Variants in SYNPR observed in about 807,000 individuals in gnomAD.
The protein encoded by SYNPR is synaptoporin.
In SYNPR, 23 loss-of-function variants were observed where a neutral mutation model predicts 32.9. That is an observed-to-expected ratio of 0.70 (90% CI 0.50 to 0.99). The LOEUF (loss-of-function observed/expected upper bound fraction) is 0.99. Ranked by LOEUF, SYNPR falls within the 50% of genes least tolerant of loss-of-function variation. The probability of loss-of-function intolerance (pLI) is 0.00; values close to 1 mark genes in which losing one functional copy is unlikely to be tolerated. For missense variants in SYNPR, 318 were observed against 349.3 expected, an observed-to-expected ratio of 0.91 and a Z score of 0.71; for synonymous variants, 146 against 135.9, an observed-to-expected ratio of 1.07 and a Z score of -0.52.
intron 1 of SYNPR, among the ~76,000 whole-genome samples, chr3:63,247,155 T>C (rs1275427478): frequency 6.6e-6 from 1 of 152,052 alleles, no homozygotes; most frequent in Non-Finnish European, 1.5e-5. Flanking sequence ...AAAATGCCTC[T>C]CTAAGAAACA....
At chr3:63,457,311 T>A (rs193215898) in intron 2 of SYNPR, among the ~76,000 whole-genome samples, 2 of 152,272 alleles carry the variant, frequency 1.3e-5, no homozygotes, top group Admixed American at 1.3e-4. Flanking sequence ...TTTATTCTAG[T>A]CATGCCATTC....
chr3:63,595,755 A>ATATATAGT (rs1559546230), intron 4 of SYNPR, among the ~76,000 whole-genome samples: 9 of 32,296 alleles, frequency 2.8e-4, no homozygotes, highest in Non-Finnish European at 4.2e-4. Context: ...ATATATATAT[A>ATATATAGT]TATATATATA....
At chr3:63,352,304 C>T (rs1315055634) in intron 2 of SYNPR, among the ~76,000 whole-genome samples, 2 of 151,962 alleles carry the variant, frequency 1.3e-5, no homozygotes, top group East Asian at 1.9e-4. Flanking sequence ...ACCCAGTTCT[C>T]GAAGTGAATA....
intron 2 of SYNPR, among the ~76,000 whole-genome samples, chr3:63,476,527 C>A (rs1700930039): frequency 1.3e-5 from 2 of 152,128 alleles, no homozygotes; most frequent in African/African-American, 4.8e-5. Flanking sequence ...AACCTCAGGT[C>A]ATCAAAGCAC....
At chr3:63,293,183 T>C (rs545909174) in intron 2 of SYNPR, among the ~76,000 whole-genome samples, 1 of 152,326 alleles carries the variant, frequency 6.6e-6, no homozygotes, top group African/African-American at 2.4e-5. Context: ...GTAATGACCT[T>C]ATAAGGTCAC....
rs140284348 is a variant in SYNPR, at chr3:63,568,825, GTGGC to G, written c.408+12087_408+12090del. Reference sequence around the variant, plus strand: ...CACATTCTAGACTTTCCGGTTGTCAGTGGCTGAATTTCCTCATGTGATTGCTGGT... The same window carrying G: ...CACATTCTAGACTTTCCGGTTGTCAGTGAATTTCCTCATGTGATTGCTGGT... On this transcript the variant is annotated intron_variant, in intron 4 of 5. Coordinates refer to ENST00000478300, the MANE Select transcript of SYNPR (RefSeq NM_001130003.2). Among the ~76,000 whole-genome samples, 399 of 152,324 alleles carry G rather than the reference GTGGC, an allele frequency of 2.6e-3. 2 individuals carry two copies. The highest frequency in any genetic ancestry group is 9.0e-3 in the African/African-American group (373 of 41,562).
chr3:63,406,867 A>T (rs1011701407), intron 2 of SYNPR, among the ~76,000 whole-genome samples: 4 of 152,184 alleles, frequency 2.6e-5, no homozygotes, highest in Non-Finnish European at 5.9e-5. Context: ...CATAAGTTCC[A>T]GTCTAAAAAT....
chr3:63,477,102 C>T (rs1419666695), intron 2 of SYNPR, among the ~76,000 whole-genome samples: 3 of 152,098 alleles, frequency 2.0e-5, no homozygotes, highest in Non-Finnish European at 4.4e-5. Context: ...GCTCTGCTCC[C>T]CCATGTAAGG....
chr3:63,493,148 C>A (rs1388736112), intron 3 of SYNPR, among the ~76,000 whole-genome samples: 1 of 152,084 alleles, frequency 6.6e-6, no homozygotes, highest in East Asian at 1.9e-4. Context: ...AAGCTGGTGT[C>A]AACTGAGTGG....
At chr3:63,523,766 A>T (rs182299590) in intron 3 of SYNPR, among the ~76,000 whole-genome samples, 2 of 152,230 alleles carry the variant, frequency 1.3e-5, no homozygotes, top group African/African-American at 2.4e-5. Flanking sequence ...CTTAGAATTT[A>T]AAAAAATCTA....
At chr3:63,244,678 T>G (rs2086271912) in intron 1 of SYNPR, among the ~76,000 whole-genome samples, 1 of 152,118 alleles carries the variant, frequency 6.6e-6, no homozygotes, top group Admixed American at 6.6e-5. Flanking sequence ...ATAGCCCTGT[T>G]CCACAAGCTC....
intron 2 of SYNPR, among the ~76,000 whole-genome samples, chr3:63,344,226 T>C (rs891256251): frequency 1.3e-5 from 2 of 152,136 alleles, no homozygotes; most frequent in Non-Finnish European, 1.5e-5. Flanking sequence ...ACCCAAAGTA[T>C]CAATAGCCCT....
chr3:63,224,224 A>G (rs187703140), upstream of SYNPR, among the ~76,000 whole-genome samples: 83 of 152,316 alleles, frequency 5.4e-4, no homozygotes, highest in East Asian at 6.8e-3. Context: ...CAGCTGCAGC[A>G]TTAGATTCTC....
rs548159537 is a variant in SYNPR at position 63,501,634 on chromosome 3, T to C, written c.209+20678T>C. On this transcript the variant is annotated intron_variant, in intron 3 of 5. Coordinates refer to ENST00000478300, the MANE Select transcript of SYNPR (RefSeq NM_001130003.2). ...ATATGATGAGCCTTTGCTATCATCA[T>C]CAGCTTTTGTTATCTCCGTGTCTAC... is the stretch of plus-strand genomic sequence containing the variant. Among the ~76,000 whole-genome samples the C allele has an allele frequency of 1.2e-4, 19 of 152,300 alleles. No individual in the cohort carries two copies. In the South Asian group the frequency reaches 3.9e-3, roughly 32 times the overall value.
In SYNPR at chr3:63,612,881, C is replaced by G. The variant is rs368733522; in HGVS notation, c.601-2343C>G. Among the ~76,000 whole-genome samples, 24 of 149,038 alleles carry G rather than the reference C, an allele frequency of 1.6e-4. No individual in the cohort carries two copies. In the East Asian group the frequency reaches 4.9e-3, roughly 30 times the overall value. On this transcript the variant is annotated intron_variant, in intron 5 of 5. Coordinates refer to ENST00000478300, the MANE Select transcript of SYNPR (RefSeq NM_001130003.2). The stretch of plus-strand genomic sequence containing the variant: ...CTTGATAATTTTTCCTCCCCTCCCC[C>G]ACCCTCCCCTCCACTCCCCTCCTCT...
intron 2 of SYNPR, among the ~76,000 whole-genome samples, chr3:63,374,932 C>G (rs1322797984): frequency 2.0e-5 from 3 of 152,146 alleles, no homozygotes; most frequent in African/African-American, 7.2e-5. Context: ...TGTTCTGTTC[C>G]ATTGGCCTAT....
intron 2 of SYNPR, among the ~76,000 whole-genome samples, chr3:63,286,902 T>C (rs529607803): frequency 2.3e-4 from 35 of 152,178 alleles, no homozygotes; most frequent in Non-Finnish European, 4.7e-4. Context: ...ACCATGATGA[T>C]GGTGATGATA....
intron 3 of SYNPR, among the ~76,000 whole-genome samples, chr3:63,490,465 A>G (rs1701237464): frequency 6.6e-6 from 1 of 152,102 alleles, no homozygotes; most frequent in Non-Finnish European, 1.5e-5. Context: ...GGTGAAGTCA[A>G]GAAGGTCAGT....
intron 2 of SYNPR, among the ~76,000 whole-genome samples, chr3:63,381,621 A>G (rs1280849169): frequency 2.6e-5 from 4 of 152,188 alleles, no homozygotes; most frequent in African/African-American, 9.7e-5. Flanking sequence ...TTTAGATAGC[A>G]TATTGTTGGG....
Sources: allele counts gnomAD v4.1 joint callset (sites outside exome capture counted in the v4.1 genomes callset), GRCh38; gene constraint gnomAD v4.1.1; transcripts MANE v1.5; gene names NCBI Gene and HGNC (gene_info 2026-07-23, HGNC 2026-07-21).